Variants in DSCAM observed in about 807,000 individuals in gnomAD.
DSCAM encodes the protein DS cell adhesion molecule.
DSCAM carries 47 observed loss-of-function variants against 217.7 expected under a neutral mutation model. The observed-to-expected ratio is 0.22, with a 90% CI of 0.17 to 0.28. The LOEUF is 0.28. Ranked by LOEUF, DSCAM falls within the 10% of genes least tolerant of loss-of-function variation. The pLI, the probability that DSCAM is intolerant of heterozygous loss-of-function variation, is 1.00. For missense variants in DSCAM, 2,080 were observed against 2,618.3 expected (o/e 0.79, Z 4.49); for synonymous variants, 1,056 against 1,015.3 (o/e 1.04, Z -0.76).
chr21:40,207,294 G>T (rs796493988), intron 11 of DSCAM, among the ~76,000 whole-genome samples: 6 of 152,182 alleles, frequency 3.9e-5, no homozygotes, highest in African/African-American at 9.6e-5. Context: ...TTTAATTTCT[G>T]TGAAATTTTC....
intron 1 of DSCAM, among the ~76,000 whole-genome samples, chr21:40,779,745 G>A (rs77608956): frequency 6.6e-6 from 1 of 151,624 alleles, no homozygotes; most frequent in South Asian, 2.1e-4. Context: ...GGACAGCCGG[G>A]CCTGGCAAAG....
At chr21:40,211,792 C>T (rs995252965) in intron 11 of DSCAM, among the ~76,000 whole-genome samples, 1 of 152,150 alleles carries the variant, frequency 6.6e-6, no homozygotes, top group African/African-American at 2.4e-5. Flanking sequence ...TGCTAATAGG[C>T]ACTTTTATCC....
intron 3 of DSCAM, among the ~76,000 whole-genome samples, chr21:40,453,547 G>C (rs2075739139): frequency 1.3e-5 from 2 of 152,054 alleles, no homozygotes; most frequent in Admixed American, 1.3e-4. Context: ...GCTATCCTTG[G>C]GGACCACTGC....
chr21:40,039,983 C>T (rs1202851288), intron 32 of DSCAM, among the ~76,000 whole-genome samples: 1 of 152,214 alleles, frequency 6.6e-6, no homozygotes, highest in East Asian at 1.9e-4. Flanking sequence ...TGTAAAAGCA[C>T]AGCTCTAGGA....
intron 3 of DSCAM, among the ~76,000 whole-genome samples, chr21:40,594,015 C>A (rs2077002826): frequency 6.6e-6 from 1 of 152,110 alleles, no homozygotes; most frequent in East Asian, 1.9e-4. Flanking sequence ...TACTTAGGTC[C>A]ATTCATTTAT....
intron 3 of DSCAM, among the ~76,000 whole-genome samples, chr21:40,574,748 G>A (rs573447673): frequency 4.0e-4 from 56 of 140,216 alleles, no homozygotes; most frequent in African/African-American, 1.4e-3. Context: ...TTGCTCTGTC[G>A]CCTAGGCTGG....
intron 4 of DSCAM, among the ~76,000 whole-genome samples, chr21:40,365,784 A>G (rs1350362544): frequency 6.6e-6 from 1 of 152,046 alleles, no homozygotes; most frequent in Non-Finnish European, 1.5e-5. Flanking sequence ...GTAAGTTTTC[A>G]CTCTAGCTCC....
intron 3 of DSCAM, among the ~76,000 whole-genome samples, chr21:40,479,944 T>C (rs1404915892): frequency 6.6e-6 from 1 of 152,164 alleles, no homozygotes; most frequent in East Asian, 1.9e-4. Flanking sequence ...ACACAGCTAA[T>C]GGTCTTTTGT....
At chr21:40,140,412 C>T (rs1178375334) in intron 18 of DSCAM, among the ~76,000 whole-genome samples, 2 of 152,156 alleles carry the variant, frequency 1.3e-5, no homozygotes, top group Admixed American at 6.5e-5. Flanking sequence ...CCACATCTTT[C>T]ATTTTAGAAT....
At chr21:40,015,417 C>CTTTTT (rs5843993) in intron 32 of DSCAM, among the ~76,000 whole-genome samples, 2 of 145,502 alleles carry the variant, frequency 1.4e-5, no homozygotes, top group Non-Finnish European at 1.5e-5. Context: ...TCTCTTGACT[C>CTTTTT]TTTTTTTTTT....
Position 40,242,794 on chromosome 21 carries a change from T to C in DSCAM, c.2356+33303A>G, listed in dbSNP as rs189994283. ...CACAGTGGGCATATTGTGTGAGTGA[T>C]AAACAACTCTTTGTTTAAGCAGCTA... On this transcript the variant is annotated intron_variant, in intron 11 of 32. Coordinates refer to ENST00000400454, the MANE Select transcript of DSCAM (RefSeq NM_001389.5). Among the ~76,000 whole-genome samples the C allele has an allele frequency of 7.1e-4, 108 of 152,342 alleles. 1 individual carries two copies. Among genetic ancestry groups the C allele is most frequent in the African/African-American group, 2.5e-3 (104 of 41,596 alleles).
chr21:40,765,697 G>A (rs1317858215), intron 1 of DSCAM, among the ~76,000 whole-genome samples: 1 of 152,152 alleles, frequency 6.6e-6, no homozygotes, highest in Non-Finnish European at 1.5e-5. Flanking sequence ...AATTAGTTCA[G>A]GGACATTTTG....
intron 3 of DSCAM, among the ~76,000 whole-genome samples, chr21:40,426,594 A>G (rs2075477163): frequency 6.6e-6 from 1 of 152,184 alleles, no homozygotes; most frequent in Non-Finnish European, 1.5e-5. Context: ...TTTTGTTTTT[A>G]GATGTCAATG....
chr21:40,169,690 G>A (rs115802063), intron 15 of DSCAM, among the ~76,000 whole-genome samples: 1,638 of 152,214 alleles, frequency 0.011, 30 homozygotes, highest in African/African-American at 0.037. Context: ...TTGCGGCCTC[G>A]ATTTTCCAGT....
At position 40,044,066 on chromosome 21, in the gene DSCAM, G is replaced by A. The variant is rs147222171; in HGVS notation, c.5383+12C>T. 26 of 1,612,780 alleles carry A rather than the reference G, an allele frequency of 1.6e-5. No homozygotes were observed. The highest frequency in any genetic ancestry group is 2.7e-5 in the African/African-American group (2 of 74,904). ...GGTCCCCAGGGACGGAGGAGGCAGC[G>A]TCAGGGCCTACCTGTGTCTTGCGAG... On this transcript the variant is annotated intron_variant, in intron 31 of 32. Transcript: ENST00000400454.
chr21:40,501,878 GC>G (rs1339339907), intron 3 of DSCAM, among the ~76,000 whole-genome samples: 1 of 152,252 alleles, frequency 6.6e-6, no homozygotes, highest in Non-Finnish European at 1.5e-5. Context: ...ATAGGCGTGA[GC>G]CACAGCGCCG....
intron 14 of DSCAM, among the ~76,000 whole-genome samples, chr21:40,183,804 A>T (rs2146817777): frequency 6.6e-6 from 1 of 152,344 alleles, no homozygotes; most frequent in South Asian, 2.1e-4. Context: ...GTACTTTAAT[A>T]CATTGGTTAT....
intron 32 of DSCAM, among the ~76,000 whole-genome samples, chr21:40,033,300 G>A (rs1038819368): frequency 2.0e-5 from 3 of 152,142 alleles, no homozygotes; most frequent in African/African-American, 7.2e-5. Flanking sequence ...GACAGTGGGC[G>A]CAGGTCAGTG....
At chr21:40,482,241 C>T (rs190233465) in intron 3 of DSCAM, among the ~76,000 whole-genome samples, 94 of 152,314 alleles carry the variant, frequency 6.2e-4, no homozygotes, top group Admixed American at 2.7e-3. Flanking sequence ...TATGACCACA[C>T]TGAACAGTTC....
Sources: gnomAD v4.1 joint callset for allele counts (sites outside exome capture counted in the v4.1 genomes callset) on GRCh38, gnomAD v4.1.1 for gene constraint, MANE v1.5 for transcripts, NCBI Gene and HGNC (gene_info 2026-07-23, HGNC 2026-07-21) for gene names.